Variants in RNASET2 observed in about 807,000 individuals in gnomAD.
RNASET2 encodes the protein ribonuclease 6.
A neutral mutation model predicts 33.9 loss-of-function variants in RNASET2; 28 were observed. That is an observed-to-expected ratio of 0.83 (90% CI 0.61 to 1.13). The LOEUF is 1.13. RNASET2 is among the 50% of genes most tolerant of loss of function. The pLI, the probability that RNASET2 is intolerant of heterozygous loss-of-function variation, is 0.00. For missense variants in RNASET2, 330 were observed against 319.9 expected (o/e 1.03, Z -0.24); for synonymous variants, 123 against 121.0 (o/e 1.02, Z -0.11).
chr6:166,923,372 C>T lies in RNASET2; in HGVS notation c.*6216G>A, dbSNP rs546274365. On this transcript the variant is annotated 3_prime_UTR_variant, in exon 9 of 9. Coordinates refer to ENST00000508775, the MANE Select transcript of RNASET2 (RefSeq NM_003730.6). ...CTGAGTAGCTGGGATTGCAGACACCCGCCACCACACCCAGCTAATGTATTT... is the reference window on the plus strand; with the variant it reads ...CTGAGTAGCTGGGATTGCAGACACCTGCCACCACACCCAGCTAATGTATTT... 1.1e-4 allele frequency among the ~76,000 whole-genome samples: 17 copies of T among 151,990 alleles called. No individual in the cohort carries two copies. Among genetic ancestry groups the T allele is most frequent in the South Asian group, 1.0e-3 (5 of 4,814 alleles).
At chr6:166,939,605 C>T (rs1450883481) in intron 5 of RNASET2, among the ~76,000 whole-genome samples, 1 of 152,164 alleles carries the variant, frequency 6.6e-6, no homozygotes, top group East Asian at 1.9e-4. Context: ...CACAAAGCAA[C>T]GTGTGGTCTC....
intron 4 of RNASET2, chr6:166,943,319 G>A: frequency 4.6e-6 from 2 of 433,884 alleles, no homozygotes; most frequent in Non-Finnish European, 8.6e-6. Flanking sequence ...GCTGTTATAG[G>A]TGAAGGGATA....
chr6:166,929,936 T>C (rs886320992), intron 8 of RNASET2, 145 bp from the exon 9 acceptor site: 4 of 783,350 alleles, frequency 5.1e-6, no homozygotes, highest in African/African-American at 1.7e-5. Flanking sequence ...AACGGACCCC[T>C]TCATTGAGCA....
intron 1 of RNASET2, among the ~76,000 whole-genome samples, chr6:166,954,186 G>T (rs528978865): frequency 6.6e-6 from 1 of 151,978 alleles, no homozygotes; most frequent in Non-Finnish European, 1.5e-5. Flanking sequence ...AAAGAAGAAA[G>T]AAAAATCACC....
At chr6:166,937,435 C>A (rs1440662292) in intron 6 of RNASET2, among the ~76,000 whole-genome samples, 1 of 152,182 alleles carries the variant, frequency 6.6e-6, no homozygotes, top group Non-Finnish European at 1.5e-5. Flanking sequence ...CCACACATGG[C>A]CCATAATGAT....
intron 5 of RNASET2, among the ~76,000 whole-genome samples, chr6:166,940,656 G>C: frequency 6.6e-6 from 1 of 152,128 alleles, no homozygotes; most frequent in East Asian, 1.9e-4. Flanking sequence ...CATTATTCCT[G>C]GAGCAAGCTT....
At chr6:166,930,529 T>C (rs969180254) in intron 8 of RNASET2, among the ~76,000 whole-genome samples, 3 of 145,520 alleles carry the variant, frequency 2.1e-5, no homozygotes, top group Non-Finnish European at 4.5e-5. Context: ...CATTCACACA[T>C]GCACACACAT....
intron 1 of RNASET2, chr6:166,955,400 C>T: frequency 3.2e-6 from 2 of 632,418 alleles, no homozygotes; most frequent in Non-Finnish European, 3.8e-6. Flanking sequence ...CACACGCGCA[C>T]ACACACACGC....
At chr6:166,948,963 C>T (rs1198795319) in intron 2 of RNASET2, among the ~76,000 whole-genome samples, 2 of 152,048 alleles carry the variant, frequency 1.3e-5, no homozygotes, top group East Asian at 3.8e-4. Context: ...GCCTGTAATC[C>T]CAGCACTTTG....
chr6:166,936,350 C>CGTAT (rs1554267770), intron 6 of RNASET2, among the ~76,000 whole-genome samples: 3 of 149,392 alleles, frequency 2.0e-5, no homozygotes, highest in Admixed American at 2.0e-4. Context: ...TTGCATGTGT[C>CGTAT]GTGTGTGTGT....
chr6:166,956,030 T>C, intron 1 of RNASET2, 67 bp downstream of exon 1: 1 of 1,392,310 alleles, frequency 7.2e-7, no homozygotes, highest in Non-Finnish European at 9.8e-7. Context: ...AGCTGCAGCC[T>C]TCACCCAGTG....
In RNASET2 at chr6:166,938,925, A is replaced by C; in HGVS notation, c.416T>G (p.Leu139Arg). The C allele has an allele frequency of 6.2e-7, 1 of 1,613,814 alleles. No individual in the cohort carries two copies. The highest frequency in any genetic ancestry group is 8.5e-7 in the Non-Finnish European group (1 of 1,179,862). ...NSQKKYFGRS[L>R]ELYRELDLNS... ...GAGGTCCAGCTCCCTGTAGAGTTCC[A>C]GGCTTCTGCCAAAGTACTTCTTCTG... Residue 139 changes from leucine (L) to arginine (R), a missense_variant, in exon 6 of 9, where the codon CTG becomes CGG. By Grantham distance (102) the Leu-to-Arg change is moderately radical. Transcript: ENST00000508775.
chr6:166,923,867 C>G lies in RNASET2; in HGVS notation c.*5721G>C, dbSNP rs1438150716. On this transcript the variant is annotated 3_prime_UTR_variant, in exon 9 of 9. Coordinates refer to ENST00000508775, the MANE Select transcript of RNASET2 (RefSeq NM_003730.6). The stretch of plus-strand genomic sequence containing the variant: ...GTGAGGAAAAGTAGTATTTTAACTT[C>G]TGAGTCTTTTCCAGCCTTCTGCAGT... 3.3e-5 allele frequency among the ~76,000 whole-genome samples: 5 copies of G among 152,228 alleles called. No individual in the cohort carries two copies. The highest frequency in any genetic ancestry group is 1.3e-4 in the Admixed American group (2 of 15,282).
At chr6:166,931,519 T>C in intron 7 of RNASET2, 1 of 257,876 alleles carries the variant, frequency 3.9e-6, no homozygotes, top group Non-Finnish European at 7.6e-6. Context: ...CTCTGAAGTA[T>C]CTCTCTCTCC....
rs1778368510 is a variant in RNASET2 at position 166,929,597 on chromosome 6, G to C, written c.762C>G (p.Thr254=). The change falls in exon 9 of 9, where the codon ACC becomes ACG. Residue 254 remains threonine (T), a synonymous_variant. Transcript: ENST00000508775. ...GPVFYPPPKK[T]KH ...TTCCAAAACTTGGGCATCAATGCTT[G>C]GTCTTTTTAGGTGGGGGATAGAAGA... 1 of 1,613,914 alleles carries C rather than the reference G, an allele frequency of 6.2e-7. No homozygotes were observed. Among genetic ancestry groups the C allele is most frequent in the Non-Finnish European group, 8.5e-7 (1 of 1,179,932 alleles).
chr6:166,925,104 C>T lies in RNASET2; in HGVS notation c.*4484G>A, dbSNP rs924691771. ...TTCTCCCTGCCGTCTAGCCCAAAAC[C>T]GGAACAGCACAGCCCTCACCTCTGC... On this transcript the variant is annotated 3_prime_UTR_variant, in exon 9 of 9. Transcript: ENST00000508775. Among the ~76,000 whole-genome samples, 1 of 148,564 alleles carries T rather than the reference C, an allele frequency of 6.7e-6. No homozygotes were observed. Among genetic ancestry groups the T allele is most frequent in the African/African-American group, 2.5e-5 (1 of 39,448 alleles).
chr6:166,947,093 C>T (rs1316450239), intron 3 of RNASET2, among the ~76,000 whole-genome samples: 1 of 152,062 alleles, frequency 6.6e-6, no homozygotes, highest in Non-Finnish European at 1.5e-5. Flanking sequence ...TCCCTAGCAC[C>T]GAGACCTAAG....
chr6:166,939,098 C>G, intron 5 of RNASET2, 90 bp from the exon 6 acceptor site: 1 of 921,352 alleles, frequency 1.1e-6, no homozygotes, highest in Non-Finnish European at 1.8e-6. Context: ...CTTTGGGAGG[C>G]TGAAGGGGGT....
intron 6 of RNASET2, 103 bp downstream of exon 6, chr6:166,938,792 A>G: frequency 1.2e-6 from 1 of 809,720 alleles, no homozygotes; most frequent in South Asian, 1.3e-5. Context: ...AAGCTGCTGG[A>G]GGGCAGTGAG....
Sources: allele counts gnomAD v4.1 joint callset (sites outside exome capture counted in the v4.1 genomes callset), GRCh38; gene constraint gnomAD v4.1.1; transcripts MANE v1.5; gene names NCBI Gene and HGNC (gene_info 2026-07-23, HGNC 2026-07-21).